The following ATP10B variants were observed in gnomAD, a reference collection of about 807,000 sequenced individuals.
ATP10B encodes phospholipid-transporting ATPase VB.
Under a neutral mutation model 141.2 loss-of-function variants are expected in ATP10B, and 122 were observed. That is an observed-to-expected ratio of 0.86 (90% CI 0.75 to 1.00). The LOEUF (loss-of-function observed/expected upper bound fraction) is 1.00. ATP10B is among the 50% of genes least tolerant of loss of function. The pLI, the probability that ATP10B is intolerant of heterozygous loss-of-function variation, is 0.00. For synonymous variants in ATP10B, 685 were observed against 692.0 expected (o/e 0.99, Z 0.16); for missense variants, 1,876 against 1,825.3 (o/e 1.03, Z -0.51).
intron 6 of ATP10B, among the ~76,000 whole-genome samples, chr5:160,676,516 G>T (rs1244294075): frequency 6.6e-6 from 1 of 152,142 alleles, no homozygotes. Flanking sequence ...CTATTTTAAA[G>T]TACGTAAGAA....
In ATP10B at chr5:160,632,200, C is replaced by T. The variant is rs752876552; in HGVS notation, c.1549G>A (p.Gly517Ser). 3 of 1,614,042 alleles carry T rather than the reference C, an allele frequency of 1.9e-6. No homozygotes were observed. The highest frequency in any genetic ancestry group is 1.3e-5 in the African/African-American group (1 of 74,910). The change falls in exon 13 of 26, where the codon GGC (glycine) becomes AGC (serine). Residue 517 changes from glycine (G) to serine (S), a missense_variant. Transcript: ENST00000327245. ...CCCATAGACCTTTGCCGGTAGTGGC[C>T]CTGGATGGGCACCCGGGCACTCTGG... ...RSQSARVPIQGHYRQRSMGHR... is the reference protein window; with the variant it reads ...RSQSARVPIQSHYRQRSMGHR...
rs935645104 is a variant in ATP10B at position 160,569,431 on chromosome 5, T to C, written c.3938+65A>G. On this transcript the variant is annotated intron_variant, in intron 25 of 25. Coordinates refer to ENST00000327245, the MANE Select transcript of ATP10B (RefSeq NM_025153.3). Reference sequence around the variant, plus strand: ...AGTCAAACTCCTGACTCTTGGGTTATAAAAATGGCTTATTAAAGGGAGATT... The same window carrying C: ...AGTCAAACTCCTGACTCTTGGGTTACAAAAATGGCTTATTAAAGGGAGATT... 6 of 1,549,634 alleles carry C rather than the reference T, an allele frequency of 3.9e-6. No individual in the cohort carries two copies. The African/African-American group carries it at 6.8e-5, about 18-fold the overall frequency.
chr5:160,686,367 A>C (rs1036314085), intron 5 of ATP10B, 94 bp from the exon 6 acceptor site: 3 of 924,610 alleles, frequency 3.2e-6, no homozygotes, highest in Non-Finnish European at 4.6e-6. Flanking sequence ...TTGATCAATT[A>C]AACCTTCTCT....
intron 25 of ATP10B, among the ~76,000 whole-genome samples, chr5:160,566,189 C>T (rs952197148): frequency 6.6e-6 from 1 of 152,126 alleles, no homozygotes; most frequent in Non-Finnish European, 1.5e-5. Flanking sequence ...TTTTGTTTGC[C>T]TCTGAGTACA....
chr5:160,607,402 T>A (rs1011496792), intron 18 of ATP10B, among the ~76,000 whole-genome samples: 1 of 152,212 alleles, frequency 6.6e-6, no homozygotes, highest in Non-Finnish European at 1.5e-5. Context: ...ATAATGACAA[T>A]ACGTCATGCT....
At chr5:160,869,632 T>C in the ATP10B span, among the ~76,000 whole-genome samples, 6 of 152,280 alleles carry the variant, frequency 3.9e-5, no homozygotes, top group East Asian at 1.2e-3. Flanking sequence ...ACTCTTCTTG[T>C]ATCTGTAAGA....
intron 2 of ATP10B, among the ~76,000 whole-genome samples, chr5:160,724,667 G>T (rs921406736): frequency 6.6e-6 from 1 of 151,992 alleles, no homozygotes; most frequent in African/African-American, 2.4e-5. Flanking sequence ...CAGCTATAAT[G>T]GCCTCCCAGT....
At chr5:160,915,160 C>T in the ATP10B span, among the ~76,000 whole-genome samples, 1 of 152,110 alleles carries the variant, frequency 6.6e-6, no homozygotes, top group Admixed American at 6.5e-5. Context: ...TAAATTATGC[C>T]TTTAAAAGTT....
chr5:160,788,867 A>C (rs1771365860), intron 1 of ATP10B, among the ~76,000 whole-genome samples: 1 of 152,148 alleles, frequency 6.6e-6, no homozygotes, highest in African/African-American at 2.4e-5. Flanking sequence ...TCATTCATCC[A>C]AAATGAATGA....
intron 1 of ATP10B, among the ~76,000 whole-genome samples, chr5:160,787,266 A>T (rs1771236133): frequency 1.3e-5 from 2 of 152,172 alleles, no homozygotes; most frequent in South Asian, 4.1e-4. Flanking sequence ...ACACAAGGAC[A>T]CAAGCTGAAT....
the ATP10B span, among the ~76,000 whole-genome samples, chr5:160,926,449 A>G: frequency 6.6e-6 from 1 of 152,252 alleles, no homozygotes; most frequent in Non-Finnish European, 1.5e-5. Context: ...TAAAATCTGC[A>G]AATGAAGACT....
At chr5:160,785,074 G>A (rs1220496334) in intron 2 of ATP10B, among the ~76,000 whole-genome samples, 1 of 152,098 alleles carries the variant, frequency 6.6e-6, no homozygotes, top group Admixed American at 6.6e-5. Context: ...ATAAATGTGA[G>A]AGGAAGTTTG....
chr5:160,774,787 T>A (rs1770166138), intron 2 of ATP10B, among the ~76,000 whole-genome samples: 1 of 152,156 alleles, frequency 6.6e-6, no homozygotes, highest in East Asian at 1.9e-4. Flanking sequence ...TCTGGCTTTG[T>A]CTGTTTGTGA....
At chr5:160,883,987 T>A in the ATP10B span, among the ~76,000 whole-genome samples, 2 of 152,214 alleles carry the variant, frequency 1.3e-5, no homozygotes, top group Non-Finnish European at 2.9e-5. Flanking sequence ...ATGTAATAAG[T>A]GAAGGAAAAC....
At chr5:160,923,495 TGTGA>T in the ATP10B span, among the ~76,000 whole-genome samples, 1 of 152,254 alleles carries the variant, frequency 6.6e-6, no homozygotes, top group Non-Finnish European at 1.5e-5. Context: ...CCCAGGACGC[TGTGA>T]AAGTGTTATC....
At chr5:160,783,371 G>A (rs1770858448) in intron 2 of ATP10B, among the ~76,000 whole-genome samples, 2 of 137,792 alleles carry the variant, frequency 1.5e-5, no homozygotes, top group African/African-American at 5.4e-5. Flanking sequence ...TAGCTGAGTA[G>A]TATTTCATCA....
intron 2 of ATP10B, among the ~76,000 whole-genome samples, chr5:160,758,417 C>A (rs4921325): frequency 0.57 from 86,420 of 151,924 alleles, 24,850 homozygotes; most frequent in Admixed American, 0.64. Context: ...TTATAGAGGC[C>A]GAAACATGCA....
intron 2 of ATP10B, among the ~76,000 whole-genome samples, chr5:160,776,254 T>C (rs186893221): frequency 1.3e-5 from 2 of 152,336 alleles, no homozygotes. Context: ...ATTTGAAGAA[T>C]TAATGAGGCA....
chr5:160,639,035 C>G (rs1054120514), intron 10 of ATP10B: 10 of 152,446 alleles, frequency 6.6e-5, no homozygotes, highest in African/African-American at 2.2e-4. Context: ...TTGCCACATC[C>G]AACAGCCAAC....
Sources: gnomAD v4.1 joint callset for allele counts (sites outside exome capture counted in the v4.1 genomes callset) on GRCh38, gnomAD v4.1.1 for gene constraint, MANE v1.5 for transcripts, NCBI Gene and HGNC (gene_info 2026-07-23, HGNC 2026-07-21) for gene names.